The following MARCHF8 variants were observed in gnomAD, a reference collection of about 807,000 sequenced individuals.
The protein encoded by MARCHF8 is E3 ubiquitin-protein ligase MARCHF8.
A neutral mutation model predicts 51.6 loss-of-function variants in MARCHF8; 40 were observed. The observed-to-expected ratio is 0.77, with a 90% CI of 0.60 to 1.01. The LOEUF is 1.01. Ranked by LOEUF, MARCHF8 falls within the 50% of genes least tolerant of loss-of-function variation. The pLI, the probability that MARCHF8 is intolerant of heterozygous loss-of-function variation, is 0.00. For missense variants in MARCHF8, 685 were observed against 708.6 expected, an observed-to-expected ratio of 0.97 and a Z score of 0.38; for synonymous variants, 263 against 280.3, an observed-to-expected ratio of 0.94 and a Z score of 0.62.
At chr10:45,515,602 G>A (rs1194966550) in intron 2 of MARCHF8, among the ~76,000 whole-genome samples, 1 of 151,758 alleles carries the variant, frequency 6.6e-6, no homozygotes, top group Non-Finnish European at 1.5e-5. Context: ...CTTTTTTGCA[G>A]GGAAATAATG....
rs2044290418 is a variant in MARCHF8 at position 45,559,912 on chromosome 10, T to C, written c.-78-26623A>G. On this transcript the variant is annotated intron_variant, in intron 1 of 6. Coordinates refer to the MARCHF8 transcript ENST00000319836. ...TTAAATACCTTGTAAGTATACACACTAAGTATACATCACGGCACCCTTCCA... is the reference window on the plus strand; with the variant it reads ...TTAAATACCTTGTAAGTATACACACCAAGTATACATCACGGCACCCTTCCA... Among the ~76,000 whole-genome samples the C allele has an allele frequency of 3.9e-5, 6 of 152,270 alleles. No individual in the cohort carries two copies. The South Asian group carries it at 1.2e-3, about 32-fold the overall frequency.
intron 1 of MARCHF8, among the ~76,000 whole-genome samples, chr10:45,573,621 C>T (rs144463326): frequency 0.035 from 5,366 of 152,296 alleles, 144 homozygotes; most frequent in East Asian, 0.052. Context: ...CCTGGAACTC[C>T]GGCCCAAGGC....
In MARCHF8 at chr10:45,458,528, G is replaced by A. The variant is rs1251165703; in HGVS notation, c.1433C>T (p.Pro478Leu). Reference sequence around the variant, plus strand: ...CACAACCACCAATTTAGTCCAAAAGGGCCATTCTAGGATTCCTGGAAGGGA... The same window carrying A: ...CACAACCACCAATTTAGTCCAAAAGAGCCATTCTAGGATTCCTGGAAGGGA... The part of the protein sequence containing the change: ...QGQATGILEW[P>L]FWTKLVVVAI... Residue 478 changes from proline (P) to leucine (L), a missense_variant, in exon 8 of 8, where the codon CCC (proline) becomes CTC (leucine). Transcript: ENST00000453424. The A allele has an allele frequency of 1.3e-6, 2 of 1,591,100 alleles. No individual in the cohort carries two copies. The highest frequency in any genetic ancestry group is 1.8e-5 in the Admixed American group (1 of 55,276).
At chr10:45,544,482 A>G (rs75595592) in intron 1 of MARCHF8, among the ~76,000 whole-genome samples, 9,394 of 152,296 alleles carry the variant, frequency 0.062, 333 homozygotes, top group Non-Finnish European at 0.067. Flanking sequence ...ATGTCCACCA[A>G]CTAAAGAATA....
chr10:45,575,508 C>CTCTTACAAACA (rs2044479464), intron 1 of MARCHF8, among the ~76,000 whole-genome samples: 1 of 152,098 alleles, frequency 6.6e-6, no homozygotes, highest in Non-Finnish European at 1.5e-5. Context: ...TTCAAACAAC[C>CTCTTACAAACA]CCACAATATC....
chr10:45,466,212 A>G (rs1842964547), intron 3 of MARCHF8, among the ~76,000 whole-genome samples: 1 of 152,176 alleles, frequency 6.6e-6, no homozygotes, highest in African/African-American at 2.4e-5. Flanking sequence ...GAGGGTATCC[A>G]TGCTAAGGTC....
chr10:45,480,243 G>A (rs1197137216), intron 3 of MARCHF8, among the ~76,000 whole-genome samples: 2 of 152,130 alleles, frequency 1.3e-5, no homozygotes, highest in Non-Finnish European at 2.9e-5. Context: ...GTTTTAAAAA[G>A]TTTTAAAAGC....
At chr10:45,541,853 G>T (rs893059775) in intron 1 of MARCHF8, among the ~76,000 whole-genome samples, 2 of 152,120 alleles carry the variant, frequency 1.3e-5, no homozygotes, top group Non-Finnish European at 1.5e-5. Context: ...AGATACATGC[G>T]GCTGCCTATG....
chr10:45,482,939 C>A (rs11239535), intron 3 of MARCHF8, among the ~76,000 whole-genome samples: 2 of 151,922 alleles, frequency 1.3e-5, no homozygotes, highest in Admixed American at 6.6e-5. Context: ...GAGATCCATA[C>A]GCAGATGAAT....
chr10:45,474,503 T>A (rs2133004928), intron 3 of MARCHF8, among the ~76,000 whole-genome samples: 1 of 150,916 alleles, frequency 6.6e-6, no homozygotes, highest in Non-Finnish European at 1.5e-5. Context: ...CTGTCAGAGC[T>A]CTATCTCACA....
intron 1 of MARCHF8, among the ~76,000 whole-genome samples, chr10:45,558,040 C>T (rs1340366382): frequency 1.3e-5 from 2 of 152,128 alleles, no homozygotes; most frequent in Non-Finnish European, 1.5e-5. Flanking sequence ...GATATTTTTC[C>T]ATGTGTTACT....
chr10:45,576,510 G>A (rs1471121329), intron 1 of MARCHF8, among the ~76,000 whole-genome samples: 1 of 152,100 alleles, frequency 6.6e-6, no homozygotes, highest in Non-Finnish European at 1.5e-5. Context: ...ACCCCCTCAT[G>A]GTGTTAGAAT....
chr10:45,471,889 G>C (rs1589086765), intron 3 of MARCHF8, among the ~76,000 whole-genome samples: 1 of 152,322 alleles, frequency 6.6e-6, no homozygotes, highest in East Asian at 1.9e-4. Context: ...TGATGACCTA[G>C]AGAGTAAACC....
chr10:45,458,126 A>T lies in MARCHF8; in HGVS notation c.*113T>A. The T allele has an allele frequency of 9.0e-7, 1 of 1,107,902 alleles. No homozygotes were observed. Among genetic ancestry groups the T allele is most frequent in the African/African-American group, 1.6e-5 (1 of 63,736 alleles). The allele number at this position is 1,107,902 out of a possible 1,614,324, so 68.6% of individuals were successfully genotyped here. Reference sequence around the variant, plus strand: ...TAGAAAAAGAGAAGCCACTATAAATAGTCACCTGTCCAGTCTATGCTATTA... The same window carrying T: ...TAGAAAAAGAGAAGCCACTATAAATTGTCACCTGTCCAGTCTATGCTATTA... On this transcript the variant is annotated 3_prime_UTR_variant, in exon 8 of 8. Transcript: ENST00000453424.
intron 2 of MARCHF8, among the ~76,000 whole-genome samples, chr10:45,531,682 T>C (rs1169860812): frequency 1.3e-5 from 2 of 152,206 alleles, no homozygotes; most frequent in East Asian, 3.8e-4. Flanking sequence ...ATAAAAGTCA[T>C]TAACCCTCTG....
At chr10:45,540,099 A>G (rs925474339), upstream of MARCHF8, among the ~76,000 whole-genome samples, 1 of 152,228 alleles carries the variant, frequency 6.6e-6, no homozygotes, top group Non-Finnish European at 1.5e-5. Flanking sequence ...GGAAGAATCA[A>G]TATCATGAAA....
At chr10:45,465,754 T>C (rs1842944694) in intron 3 of MARCHF8, among the ~76,000 whole-genome samples, 1 of 152,242 alleles carries the variant, frequency 6.6e-6, no homozygotes, top group Non-Finnish European at 1.5e-5. Flanking sequence ...TACACTGAGA[T>C]CACGCTGTGC....
chr10:45,535,071 T>G (rs939698202), intron 1 of MARCHF8, 140 bp downstream of exon 1: 1 of 152,216 alleles, frequency 6.6e-6, no homozygotes, highest in African/African-American at 2.4e-5. Context: ...GAATAGGGGA[T>G]GTTAGTGTCT....
intron 2 of MARCHF8, among the ~76,000 whole-genome samples, chr10:45,511,423 C>G (rs902127054): frequency 4.6e-5 from 7 of 152,194 alleles, no homozygotes; most frequent in African/African-American, 1.4e-4. Flanking sequence ...CGGTCTCCCT[C>G]TCCCTCTCTT....
Sources: allele counts gnomAD v4.1 joint callset (sites outside exome capture counted in the v4.1 genomes callset), GRCh38; gene constraint gnomAD v4.1.1; transcripts MANE v1.5; gene names NCBI Gene and HGNC (gene_info 2026-07-23, HGNC 2026-07-21).